SLC6A15: variants seen among roughly 807,000 people sequenced by gnomAD.
The protein encoded by SLC6A15 is sodium-dependent neutral amino acid transporter B(0)AT2.
In SLC6A15, 33 loss-of-function variants were observed where a neutral mutation model predicts 68.5. That is an observed-to-expected ratio of 0.48 (90% confidence interval 0.37 to 0.64). The LOEUF (loss-of-function observed/expected upper bound fraction) is 0.64. Ranked by LOEUF, SLC6A15 falls within the 30% of genes least tolerant of loss-of-function variation. The pLI is 0.00. For missense variants in SLC6A15, 747 were observed against 874.3 expected (o/e 0.85, Z 1.84); for synonymous variants, 347 against 301.0 (o/e 1.15, Z -1.58).
In SLC6A15 at chr12:84,892,319, A is replaced by G. The variant is rs1006850863; in HGVS notation, c.-188-11T>C. 5 of 460,656 alleles carry G rather than the reference A, an allele frequency of 1.1e-5. No homozygotes were observed. Among genetic ancestry groups the G allele is most frequent in the Non-Finnish European group, 1.5e-5 (4 of 265,726 alleles). 28.5% of individuals were successfully genotyped at this position (460,656 alleles called of 1,614,324 possible). A position where few individuals can be genotyped will look rare whatever the true frequency, so the allele number is the denominator to read the frequency against. ...GTATTCTGTAGGTACCTGTAAAATT[A>G]TAAGTTGAAATGTGATCATATTTAA... On this transcript the variant is annotated splice_polypyrimidine_tract_variant and intron_variant, in intron 1 of 11. Transcript: ENST00000266682.
intron 1 of SLC6A15, among the ~76,000 whole-genome samples, chr12:84,897,903 T>C (rs1641693928): frequency 6.6e-6 from 1 of 152,092 alleles, no homozygotes; most frequent in Admixed American, 6.6e-5. Context: ...CAAGGAAATA[T>C]GGTTTACTTT....
rs934498835 is a variant in SLC6A15, at chr12:84,870,782, G to A, written c.1303-112C>T. The A allele has an allele frequency of 1.5e-5, 9 of 589,032 alleles. No individual in the cohort carries two copies. The South Asian group carries it at 2.8e-4, about 18-fold the overall frequency. 36.5% of individuals were successfully genotyped at this position (589,032 alleles called of 1,614,324 possible). On this transcript the variant is annotated intron_variant, in intron 8 of 11. Transcript: ENST00000266682. ...CTCTGAATAATGGCCAGGACTGCTG[G>A]AAATAGACATGCTCAAATCAGCTCT...
chr12:84,870,804 C>T, intron 8 of SLC6A15, 134 bp from the exon 9 acceptor site: 3 of 500,734 alleles, frequency 6.0e-6, no homozygotes, highest in Non-Finnish European at 1.0e-5. Context: ...CTCAAATCAG[C>T]TCTTAACCTG....
At chr12:84,864,320 C>CTTTTTT (rs551232166) in intron 10 of SLC6A15, among the ~76,000 whole-genome samples, 4 of 131,754 alleles carry the variant, frequency 3.0e-5, no homozygotes, top group Non-Finnish European at 4.9e-5. Flanking sequence ...TTCTTTCTTT[C>CTTTTTT]TTTTTTTTTT....
intron 11 of SLC6A15, 119 bp from the exon 12 acceptor site, chr12:84,862,125 G>A (rs183640345): frequency 9.7e-7 from 1 of 1,032,700 alleles, no homozygotes; most frequent in East Asian, 2.6e-5. Flanking sequence ...GACTTGCTTT[G>A]ACCAATAGAA....
At chr12:84,898,519 G>A (rs751499769) in intron 1 of SLC6A15, among the ~76,000 whole-genome samples, 1 of 152,130 alleles carries the variant, frequency 6.6e-6, no homozygotes, top group South Asian at 2.1e-4. Context: ...ATTTTAGAAA[G>A]AGACTATCTG....
chr12:84,872,055 G>A (rs1286369339), intron 8 of SLC6A15, among the ~76,000 whole-genome samples: 8 of 151,916 alleles, frequency 5.3e-5, no homozygotes, highest in Non-Finnish European at 4.4e-5. Flanking sequence ...CTACTTGGGA[G>A]GCTGACCAGG....
chr12:84,899,434 C>A (rs1001016519), intron 1 of SLC6A15, among the ~76,000 whole-genome samples: 1 of 152,170 alleles, frequency 6.6e-6, no homozygotes, highest in Non-Finnish European at 1.5e-5. Context: ...GTAGGCATGT[C>A]ATCCAATTCC....
At chr12:84,872,276 T>C (rs143319591) in intron 8 of SLC6A15, among the ~76,000 whole-genome samples, 1 of 152,260 alleles carries the variant, frequency 6.6e-6, no homozygotes, top group African/African-American at 2.4e-5. Context: ...ATAATTCTAA[T>C]TCTGTATTGA....
rs1436426366 is a variant in SLC6A15, at chr12:84,873,081, T to C, written c.1109+6A>G. 6.2e-7 allele frequency: 1 copy of C among 1,611,996 alleles called. No homozygotes were observed. The highest frequency in any genetic ancestry group is 2.2e-5 in the East Asian group (1 of 44,854). On this transcript the variant is annotated splice_donor_region_variant and intron_variant, in intron 7 of 11. Coordinates refer to ENST00000266682, the MANE Select transcript of SLC6A15 (RefSeq NM_182767.6). ...AAAAAAGGCAAATGGAAATTAATATTCATACTGTGTAATGCATTTCTCATT... is the reference window on the plus strand; with the variant it reads ...AAAAAAGGCAAATGGAAATTAATATCCATACTGTGTAATGCATTTCTCATT...
chr12:84,866,419 G>A (rs560914394), intron 10 of SLC6A15, among the ~76,000 whole-genome samples: 51 of 152,176 alleles, frequency 3.4e-4, no homozygotes, highest in Admixed American at 7.2e-4. Flanking sequence ...TTATTTATGC[G>A]TATAGTGAAT....
chr12:84,905,486 T>A (rs1003689136), intron 1 of SLC6A15, among the ~76,000 whole-genome samples: 6 of 152,140 alleles, frequency 3.9e-5, no homozygotes, highest in South Asian at 4.1e-4. Context: ...TCCTTCAGGA[T>A]AAGAAGCAAG....
chr12:84,910,461 C>T (rs548949174), intron 1 of SLC6A15, among the ~76,000 whole-genome samples: 105 of 152,188 alleles, frequency 6.9e-4, no homozygotes, highest in Admixed American at 1.3e-3. Flanking sequence ...TTTTGATGGT[C>T]AAATATCTTG....
intron 1 of SLC6A15, among the ~76,000 whole-genome samples, chr12:84,900,095 T>G (rs1052107318): frequency 6.6e-6 from 1 of 152,082 alleles, no homozygotes; most frequent in African/African-American, 2.4e-5. Context: ...ATCTACCAAA[T>G]TGAGTTTTCC....
intron 1 of SLC6A15, among the ~76,000 whole-genome samples, chr12:84,900,836 T>C (rs1872828345): frequency 1.3e-5 from 2 of 151,446 alleles, no homozygotes; most frequent in African/African-American, 4.8e-5. Context: ...AAAATAAATC[T>C]GCTATATTTT....
At chr12:84,879,207 T>C (rs990886488) in intron 5 of SLC6A15, among the ~76,000 whole-genome samples, 2 of 151,952 alleles carry the variant, frequency 1.3e-5, no homozygotes, top group African/African-American at 4.8e-5. Flanking sequence ...CACACAGTTC[T>C]CTGTGAACTT....
intron 4 of SLC6A15, 95 bp from the exon 5 acceptor site, chr12:84,884,135 T>A (rs1041594549): frequency 3.0e-6 from 3 of 1,007,536 alleles, no homozygotes; most frequent in Non-Finnish European, 3.0e-6. Flanking sequence ...TTCTTAATGC[T>A]TCCTAGAAAA....
chr12:84,910,486 GA>G (rs891106294), intron 1 of SLC6A15, among the ~76,000 whole-genome samples: 35 of 152,194 alleles, frequency 2.3e-4, no homozygotes, highest in African/African-American at 7.5e-4. Flanking sequence ...TAATATGAGA[GA>G]AAAAAATACA....
At position 84,886,088 on chromosome 12, in the gene SLC6A15, A is replaced by G; in HGVS notation, c.290-20T>C. On this transcript the variant is annotated intron_variant, in intron 2 of 11. Coordinates refer to ENST00000266682, the MANE Select transcript of SLC6A15 (RefSeq NM_182767.6). ...ATGCACCTAAAGAAACAACAACAAAAAATAGATTATATTTTCAATACAGTA... is the reference window on the plus strand; with the variant it reads ...ATGCACCTAAAGAAACAACAACAAAGAATAGATTATATTTTCAATACAGTA... The G allele has an allele frequency of 2.6e-6, 4 of 1,511,228 alleles. No homozygotes were observed. The highest frequency in any genetic ancestry group is 3.6e-6 in the Non-Finnish European group (4 of 1,097,410). The allele number at this position is 1,511,228 out of a possible 1,614,324, so 93.6% of individuals were successfully genotyped here. A position where few individuals can be genotyped will look rare whatever the true frequency, so the allele number is the denominator to read the frequency against.
Sources: allele counts gnomAD v4.1 joint callset (sites outside exome capture counted in the v4.1 genomes callset), GRCh38; gene constraint gnomAD v4.1.1; transcripts MANE v1.5; gene names NCBI Gene and HGNC (gene_info 2026-07-23, HGNC 2026-07-21).